The following CDH4 variants were observed in gnomAD, a reference collection of about 807,000 sequenced individuals.
CDH4 encodes cadherin 4.
A neutral mutation model predicts 86.0 loss-of-function variants in CDH4; 33 were observed. The observed-to-expected ratio is 0.38, with a 90% CI of 0.29 to 0.51. The LOEUF (loss-of-function observed/expected upper bound fraction) is 0.51, where lower values mean the gene tolerates loss of function less well. Among genes scored for constraint, CDH4 ranks in the 20% least tolerant of loss-of-function variants. The probability of loss-of-function intolerance (pLI) is 0.86; values close to 1 mark genes in which losing one functional copy is unlikely to be tolerated. For synonymous variants in CDH4, 555 were observed against 549.4 expected, an observed-to-expected ratio of 1.01 and a Z score of -0.14; for missense variants, 1,114 against 1,307.4, an observed-to-expected ratio of 0.85 and a Z score of 2.28.
intron 7 of CDH4, among the ~76,000 whole-genome samples, chr20:61,877,886 T>C (rs1026265122): frequency 6.6e-6 from 1 of 151,996 alleles, no homozygotes; most frequent in African/African-American, 2.4e-5. Context: ...TGGGGTCCAT[T>C]GTGTGACAAC....
At chr20:61,345,512 C>A (rs192904780) in intron 2 of CDH4, among the ~76,000 whole-genome samples, 196 of 152,328 alleles carry the variant, frequency 1.3e-3, no homozygotes, top group African/African-American at 4.6e-3. Context: ...GACAAGGTAA[C>A]CATGCCTTTA....
At chr20:61,346,462 G>C (rs2084679917) in intron 2 of CDH4, among the ~76,000 whole-genome samples, 1 of 152,206 alleles carries the variant, frequency 6.6e-6, no homozygotes, top group Admixed American at 6.5e-5. Flanking sequence ...CCCCTCTGCT[G>C]ACCGGGCATG....
At chr20:61,572,907 G>GGGGTGGC (rs1600771235) in intron 2 of CDH4, among the ~76,000 whole-genome samples, 2 of 151,946 alleles carry the variant, frequency 1.3e-5, no homozygotes, top group East Asian at 3.9e-4. Flanking sequence ...ACGGATGGAT[G>GGGGTGGC]ATGGTCAGAT....
At chr20:61,700,685 C>A (rs1478152147) in intron 2 of CDH4, among the ~76,000 whole-genome samples, 1 of 151,722 alleles carries the variant, frequency 6.6e-6, no homozygotes, top group Non-Finnish European at 1.5e-5. Flanking sequence ...ATACGGCCTC[C>A]CTGTGGGGCC....
At chr20:61,886,560 C>T (rs1029412666) in intron 7 of CDH4, among the ~76,000 whole-genome samples, 1 of 152,180 alleles carries the variant, frequency 6.6e-6, no homozygotes, top group Non-Finnish European at 1.5e-5. Flanking sequence ...CTGTGCAGGA[C>T]TCCCGCTGCC....
intron 2 of CDH4, among the ~76,000 whole-genome samples, chr20:61,497,227 G>T (rs1034325766): frequency 6.6e-6 from 1 of 152,048 alleles, no homozygotes; most frequent in African/African-American, 2.4e-5. Flanking sequence ...TGTTACTGGT[G>T]GGGGTGGAGT....
chr20:61,620,315 GGTA>G (rs1568717051), intron 2 of CDH4, among the ~76,000 whole-genome samples: 1 of 151,172 alleles, frequency 6.6e-6, no homozygotes, highest in Non-Finnish European at 1.5e-5. Flanking sequence ...TAGATAGGTA[GGTA>G]GATGGATGGA....
chr20:61,787,098 T>TCATCCATC lies in CDH4; in HGVS notation c.576+13934_576+13941dup, dbSNP rs113099172. On this transcript the variant is annotated intron_variant, in intron 4 of 15. Transcript: ENST00000614565. ...GTGGTGGCCATTATCCATCCATCCA[T>TCATCCATC]CATCCATCCATCCATCCATCCATCC... 1.7e-3 allele frequency among the ~76,000 whole-genome samples: 262 copies of TCATCCATC among 151,654 alleles called. 4 individuals carry two copies. Among genetic ancestry groups the TCATCCATC allele is most frequent in the African/African-American group, 6.0e-3 (249 of 41,346 alleles).
rs1250095339 is a variant in CDH4, at chr20:61,936,806, G to A, written c.2614G>A (p.Gly872Arg). ...CTCCCTGCTGGTCTTCGACTACGAGGGGAGCGGCTCCACCGCAGGCTCCGT... is the reference window on the plus strand; with the variant it reads ...CTCCCTGCTGGTCTTCGACTACGAGAGGAGCGGCTCCACCGCAGGCTCCGT... ...YDSLLVFDYE[G>R]SGSTAGSVSS... is the part of the protein sequence containing the mutation. The change falls in exon 16 of 16, where the codon GGG becomes AGG. Residue 872 changes from glycine to arginine, a missense_variant. This residue lies in a region of CDH4 where 188 missense variants were observed against 183.8 expected (regional missense o/e 1.02). Coordinates refer to ENST00000614565, the MANE Select transcript of CDH4 (RefSeq NM_001794.5). 2 of 1,610,850 alleles carry A rather than the reference G, an allele frequency of 1.2e-6. No individual in the cohort carries two copies. Among genetic ancestry groups the A allele is most frequent in the Admixed American group, 3.3e-5 (2 of 59,814 alleles).
intron 4 of CDH4, among the ~76,000 whole-genome samples, chr20:61,781,628 C>T (rs943939928): frequency 2.6e-5 from 4 of 152,074 alleles, no homozygotes; most frequent in East Asian, 3.9e-4. Context: ...TTCAGTGGGG[C>T]GGTGGCCAGT....
intron 2 of CDH4, among the ~76,000 whole-genome samples, chr20:61,693,579 C>A (rs1029774640): frequency 2.0e-5 from 3 of 152,220 alleles, no homozygotes; most frequent in Non-Finnish European, 2.9e-5. Flanking sequence ...CTCTGCCCTG[C>A]GTCCGCTCCA....
chr20:61,427,161 T>C (rs758964289), intron 2 of CDH4, among the ~76,000 whole-genome samples: 4 of 152,224 alleles, frequency 2.6e-5, no homozygotes, highest in Non-Finnish European at 5.9e-5. Flanking sequence ...CTGCCGCATT[T>C]GCAGAGACCG....
chr20:61,929,960 A>T, intron 13 of CDH4, 118 bp downstream of exon 13: 2 of 746,678 alleles, frequency 2.7e-6, no homozygotes, highest in Non-Finnish European at 2.3e-6. Flanking sequence ...TCTCAGCCTC[A>T]TCTGTCAGGA....
chr20:61,302,489 G>GC (rs996765637), intron 2 of CDH4, among the ~76,000 whole-genome samples: 3 of 151,332 alleles, frequency 2.0e-5, no homozygotes, highest in Admixed American at 6.6e-5. Flanking sequence ...CCTGGGTTGG[G>GC]GGGGGTCTGT....
At chr20:61,765,707 G>C (rs770047903) in intron 3 of CDH4, among the ~76,000 whole-genome samples, 1 of 152,248 alleles carries the variant, frequency 6.6e-6, no homozygotes, top group Middle Eastern at 3.4e-3. Flanking sequence ...CAGCAAGACC[G>C]GGGCCAGGAG....
intron 2 of CDH4, among the ~76,000 whole-genome samples, chr20:61,564,552 G>A (rs962388625): frequency 1.2e-4 from 18 of 152,228 alleles, no homozygotes; most frequent in East Asian, 7.7e-4. Flanking sequence ...CCCTGGCTCC[G>A]CTTCACCCTC....
chr20:61,362,972 C>T (rs1026556682), intron 2 of CDH4, among the ~76,000 whole-genome samples: 1 of 152,136 alleles, frequency 6.6e-6, no homozygotes, highest in Non-Finnish European at 1.5e-5. Context: ...GCCCTTGTGC[C>T]GTGTCACATG....
intron 5 of CDH4, among the ~76,000 whole-genome samples, chr20:61,846,533 TAC>T (rs747506771): frequency 5.2e-4 from 78 of 150,890 alleles, no homozygotes; most frequent in Non-Finnish European, 9.3e-4. Flanking sequence ...GAGATAGAGA[TAC>T]AGAGACAGAG....
At chr20:61,497,458 G>GT (rs1204986796) in intron 2 of CDH4, among the ~76,000 whole-genome samples, 1 of 151,958 alleles carries the variant, frequency 6.6e-6, no homozygotes, top group Non-Finnish European at 1.5e-5. Context: ...GTTTTTTGTT[G>GT]TTGTTAAAAA....
Sources: gnomAD v4.1 joint callset for allele counts (sites outside exome capture counted in the v4.1 genomes callset) on GRCh38, gnomAD v4.1.1 for gene constraint, gnomAD v4.1.1 regional missense constraint, MANE v1.5 for transcripts, NCBI Gene and HGNC (gene_info 2026-07-23, HGNC 2026-07-21) for gene names.